Variants in BIRC6 observed in about 807,000 individuals in gnomAD.
BIRC6 encodes the protein dual E2 ubiquitin-conjugating enzyme/E3 ubiquitin-protein ligase BIRC6.
Under a neutral mutation model 503.3 loss-of-function variants are expected in BIRC6, and 98 were observed. The observed-to-expected ratio is 0.19, with a 90% CI of 0.17 to 0.23. BIRC6 has a LOEUF of 0.23. Ranked by LOEUF, BIRC6 falls within the 10% of genes least tolerant of loss-of-function variation. The pLI is 1.00. For synonymous variants in BIRC6, 2,240 were observed against 2,078.7 expected (o/e 1.08, Z -2.11); for missense variants, 5,360 against 5,806.0 (o/e 0.92, Z 2.50).
At chr2:32,379,880 T>C (rs760280895) in intron 2 of BIRC6, among the ~76,000 whole-genome samples, 1 of 152,022 alleles carries the variant, frequency 6.6e-6, no homozygotes. Flanking sequence ...GCTTGTCCAT[T>C]TTTCTATCTT....
chr2:32,421,490 C>T (rs1331942199), intron 10 of BIRC6, among the ~76,000 whole-genome samples: 1 of 152,152 alleles, frequency 6.6e-6, no homozygotes, highest in East Asian at 1.9e-4. Flanking sequence ...TTTGGAAGCA[C>T]TGTCTTAGTG....
At position 32,442,144 on chromosome 2, in the gene BIRC6, G is replaced by A. The variant is rs1302705080; in HGVS notation, c.4024G>A (p.Gly1342Ser). ...TACTCTTTGCAGAAAAACAGATGAT[G>A]GCCAGATCACAGAACATGCCCAGAG... ...LNTLCRKTDDGQITEHAQSLV... is the reference protein window; with the variant it reads ...LNTLCRKTDDSQITEHAQSLV... The change falls in exon 18 of 74, where the codon GGC becomes AGC. Residue 1342 changes from glycine to serine, a missense_variant. Gly to Ser is a moderately conservative substitution (Grantham distance 56). Coordinates refer to ENST00000421745, the MANE Select transcript of BIRC6 (RefSeq NM_016252.4). 1 of 1,610,486 alleles carries A rather than the reference G, an allele frequency of 6.2e-7. No individual in the cohort carries two copies. Among genetic ancestry groups the A allele is most frequent in the Non-Finnish European group, 8.5e-7 (1 of 1,178,970 alleles).
rs10610125 is a variant in BIRC6 at position 32,431,181 on chromosome 2, CTTTTTTTTTTTTT to C, written c.3248+111_3248+123del. 260 of 69,334 alleles carry C rather than the reference CTTTTTTTTTTTTT, an allele frequency of 3.7e-3. 1 individual carries two copies. Among genetic ancestry groups the C allele is most frequent in the East Asian group, 0.017 (49 of 2,816 alleles). The allele number at this position is 69,334 out of a possible 1,614,324, so 4.3% of individuals were successfully genotyped here. ...AATTCCTAGGTATATTACTGTTTAT[CTTTTTTTTTTTTT>C]TTTTTTTTTTTTTTTTTTTGAGACA... On this transcript the variant is annotated intron_variant, in intron 12 of 73. Coordinates refer to ENST00000421745, the MANE Select transcript of BIRC6 (RefSeq NM_016252.4).
intron 41 of BIRC6, 147 bp downstream of exon 41, chr2:32,487,948 C>CTTTGGTAAT: frequency 1.5e-6 from 1 of 670,214 alleles, no homozygotes; most frequent in Non-Finnish European, 2.5e-6. Flanking sequence ...ACTTTGATTA[C>CTTTGGTAAT]CAAAGTAATC....
Position 32,476,357 on chromosome 2 carries a change from C to T in BIRC6, c.6852+13C>T, listed in dbSNP as rs200844252. ...GGCCACTTCAAAGGTATGATCTATACTTTTCAATATAGTTATCTCAGAAAA... is the reference window on the plus strand; with the variant it reads ...GGCCACTTCAAAGGTATGATCTATATTTTTCAATATAGTTATCTCAGAAAA... On this transcript the variant is annotated intron_variant, in intron 34 of 73. Coordinates refer to ENST00000421745, the MANE Select transcript of BIRC6 (RefSeq NM_016252.4). The T allele has an allele frequency of 3.8e-5, 59 of 1,558,958 alleles. 1 individual carries two copies. In the Middle Eastern group the frequency reaches 2.7e-3, roughly 71 times the overall value.
At chr2:32,395,888 T>G (rs1489784949) in intron 6 of BIRC6, among the ~76,000 whole-genome samples, 1 of 152,136 alleles carries the variant, frequency 6.6e-6, no homozygotes, top group African/African-American at 2.4e-5. Flanking sequence ...CTTCAGCAGT[T>G]GAATCTTGGT....
intron 61 of BIRC6, among the ~76,000 whole-genome samples, chr2:32,540,913 A>T (rs2150225587): frequency 6.6e-6 from 1 of 152,170 alleles, no homozygotes; most frequent in East Asian, 1.9e-4. Flanking sequence ...AGACTTAAAA[A>T]TTTGTATCTG....
chr2:32,375,470 T>A (rs2036605202), intron 1 of BIRC6, among the ~76,000 whole-genome samples: 1 of 151,930 alleles, frequency 6.6e-6, no homozygotes, highest in African/African-American at 2.4e-5. Flanking sequence ...AACGAGACCC[T>A]GTCTCTAAAA....
At chr2:32,468,979 G>T (rs1483003236) in intron 29 of BIRC6, among the ~76,000 whole-genome samples, 196 bp downstream of exon 29, 5 of 151,846 alleles carry the variant, frequency 3.3e-5, no homozygotes, top group African/African-American at 1.2e-4. Context: ...AGTTGTGTGT[G>T]TTTTTTTTGG....
intron 66 of BIRC6, among the ~76,000 whole-genome samples, chr2:32,582,993 G>A (rs534130108): frequency 8.2e-4 from 124 of 152,092 alleles, no homozygotes; most frequent in Non-Finnish European, 1.4e-3. Context: ...ACTTTAAGCC[G>A]TGTTTTAAGT....
Position 32,441,573 on chromosome 2 carries a change from C to T in BIRC6, c.3944+111C>T, listed in dbSNP as rs546843917. The stretch of plus-strand genomic sequence containing the variant: ...TCTTTTACCTGAAAATTTTTTTTGT[C>T]CATTTTTCTTAAATAATTATAATTT... On this transcript the variant is annotated intron_variant, in intron 17 of 73. Coordinates refer to ENST00000421745, the MANE Select transcript of BIRC6 (RefSeq NM_016252.4). The T allele has an allele frequency of 7.2e-6, 7 of 967,140 alleles. No individual in the cohort carries two copies. In the African/African-American group the frequency reaches 1.1e-4, roughly 16 times the overall value. The allele number at this position is 967,140 out of a possible 1,614,324, so 59.9% of individuals were successfully genotyped here.
At chr2:32,574,147 A>G (rs1291034634) in intron 65 of BIRC6, among the ~76,000 whole-genome samples, 1 of 150,256 alleles carries the variant, frequency 6.7e-6, no homozygotes, top group East Asian at 1.9e-4. Context: ...TGAGAATCCA[A>G]GTATAACTTT....
intron 39 of BIRC6, 40 bp from the exon 40 acceptor site, chr2:32,485,603 A>C: frequency 7.5e-7 from 1 of 1,337,442 alleles, no homozygotes; most frequent in Non-Finnish European, 1.1e-6. Flanking sequence ...ATGAGTAATA[A>C]TTGTCAATGT....
chr2:32,460,998 C>CTTCTCTTCTCTTCTCTTCTCTTCTCT (rs1558788701), intron 23 of BIRC6, among the ~76,000 whole-genome samples: 3 of 88,688 alleles, frequency 3.4e-5, no homozygotes, highest in Non-Finnish European at 7.0e-5. Context: ...CTCTGCTCTG[C>CTTCTCTTCTCTTCTCTTCTCTTCTCT]TCTCTTCTCT....
chr2:32,580,564 C>G (rs1375484691), intron 66 of BIRC6, among the ~76,000 whole-genome samples: 1 of 152,114 alleles, frequency 6.6e-6, no homozygotes, highest in Non-Finnish European at 1.5e-5. Context: ...AGGAATATAT[C>G]ACAGAGTTAC....
intron 66 of BIRC6, among the ~76,000 whole-genome samples, chr2:32,591,947 C>T (rs538911322): frequency 3.3e-5 from 5 of 152,232 alleles, no homozygotes; most frequent in African/African-American, 9.6e-5. Flanking sequence ...TTGACAAATG[C>T]AGAAGTTGGT....
Position 32,477,336 on chromosome 2 carries a change from T to C in BIRC6, c.6853-32T>C, listed in dbSNP as rs562464371. The C allele has an allele frequency of 5.0e-6, 8 of 1,593,148 alleles. No homozygotes were observed. The African/African-American group carries it at 6.8e-5, about 13-fold the overall frequency. ...TGAAAAAATTTTCATTAAGTAAACA[T>C]TGATTTAAACACTATACATTTTTGT... On this transcript the variant is annotated intron_variant, in intron 34 of 73. Transcript: ENST00000421745.
rs1573924090 is a variant in BIRC6, at chr2:32,397,580, GT to G, written c.1034+1988del. Among the ~76,000 whole-genome samples, 6 of 142,518 alleles carry G rather than the reference GT, an allele frequency of 4.2e-5. No homozygotes were observed. In the East Asian group the frequency reaches 1.2e-3, roughly 28 times the overall value. 93.5% of individuals were successfully genotyped at this position (142,518 alleles called of 152,430 possible). A position where few individuals can be genotyped will look rare whatever the true frequency, so the allele number is the denominator to read the frequency against. On this transcript the variant is annotated intron_variant, in intron 6 of 73. Coordinates refer to ENST00000421745, the MANE Select transcript of BIRC6 (RefSeq NM_016252.4). Reference sequence around the variant, plus strand: ...TTGTCTTTCCCCGTAAAGGCTGTGTGTGTGTGTGTGTGTGTGTGTGTGTGTA... The same window carrying G: ...TTGTCTTTCCCCGTAAAGGCTGTGTGGTGTGTGTGTGTGTGTGTGTGTGTA...
rs775372744 is a variant in BIRC6, at chr2:32,415,176, G to A, written c.1885G>A (p.Val629Ile). The change falls in exon 10 of 74, where the codon GTT becomes ATT. Residue 629 changes from valine to isoleucine, a missense_variant. Physicochemically the swap from Val to Ile is conservative, Grantham distance 29. This residue lies in a region of BIRC6 where 700 missense variants were observed against 739.3 expected (regional missense o/e 0.95). Transcript: ENST00000421745. ...TCCTCTGGTAAGGAGGACTTTACCG[G>A]TTTTGCTTCTTTATAGCATCAAGGA... ...NSPLVRRTLPVLLLYSIKESD... is the reference protein window; with the variant it reads ...NSPLVRRTLPILLLYSIKESD... The A allele has an allele frequency of 6.2e-7, 1 of 1,613,964 alleles. No individual in the cohort carries two copies. The highest frequency in any genetic ancestry group is 8.5e-7 in the Non-Finnish European group (1 of 1,179,880).
Sources: gnomAD v4.1 joint callset for allele counts (sites outside exome capture counted in the v4.1 genomes callset) on GRCh38, gnomAD v4.1.1 for gene constraint, gnomAD v4.1.1 regional missense constraint, MANE v1.5 for transcripts, NCBI Gene and HGNC (gene_info 2026-07-23, HGNC 2026-07-21) for gene names.